MACF1: variants seen among roughly 807,000 people sequenced by gnomAD.
The protein encoded by MACF1 is microtubule actin crosslinking factor 1, also known as microtubule-actin cross-linking factor 1.
In MACF1, 193 loss-of-function variants were observed where a neutral mutation model predicts 854.8. The ratio of observed to expected loss-of-function variants is 0.23; its 90% CI spans 0.20 to 0.25. The LOEUF is 0.25. Ranked by LOEUF, MACF1 falls within the 10% of genes least tolerant of loss-of-function variation. The probability of loss-of-function intolerance (pLI) is 1.00; values close to 1 mark genes in which losing one functional copy is unlikely to be tolerated. For missense variants in MACF1, 7,722 were observed against 8,929.1 expected (o/e 0.86, Z 5.45); for synonymous variants, 3,185 against 3,226.7 (o/e 0.99, Z 0.44).
intron 58 of MACF1, among the ~76,000 whole-genome samples, chr1:39,421,846 G>C (rs566079114): frequency 2.6e-5 from 4 of 152,288 alleles, no homozygotes; most frequent in African/African-American, 7.2e-5. Flanking sequence ...AGGCCGAGGA[G>C]GGCGGATCAC....
At position 39,105,217 on chromosome 1, in the gene MACF1, C is replaced by T. The variant is rs905309742; in HGVS notation, c.220+20779C>T. Among the ~76,000 whole-genome samples, 3 of 150,984 alleles carry T rather than the reference C, an allele frequency of 2.0e-5. No homozygotes were observed. The highest frequency in any genetic ancestry group is 2.0e-4 in the Admixed American group (3 of 15,178). ...CCCTGGGGGACCCGTGTGGGCAGCC[C>T]GGGCCCAGCCGGCCGCAGCCTGGGG... On this transcript the variant is annotated intron_variant, in intron 2 of 93. Coordinates refer to the MACF1 transcript ENST00000361689. The surrounding 1 kb of genome is among the most constrained non-coding windows in gnomAD (Gnocchi z 5.9).
Position 39,441,205 on chromosome 1 carries a change from T to C in MACF1, c.18571-19T>C, listed in dbSNP as rs1644109466. ...GAGTGGTATTGATTGAAGAATCTGA[T>C]TGAATGTTTTTCCCCTAGATGAATA... is the stretch of plus-strand genomic sequence containing the variant. On this transcript the variant is annotated intron_variant, in intron 73 of 100. Coordinates refer to ENST00000564288, the MANE Select transcript of MACF1 (RefSeq NM_001394062.1). 14 of 1,613,678 alleles carry C rather than the reference T, an allele frequency of 8.7e-6. No individual in the cohort carries two copies. Among genetic ancestry groups the C allele is most frequent in the Non-Finnish European group, 1.2e-5 (14 of 1,179,778 alleles).
In MACF1 at chr1:39,486,068, AT is replaced by A. The variant is rs973158019; in HGVS notation, c.*276del. ...TGAAAAGGTCAAGATACAAATGTGT[AT>A]TAAAAAAAAAAAAGCCTATTAATAG... On this transcript the variant is annotated 3_prime_UTR_variant, in exon 101 of 101. Transcript: ENST00000564288. 5 of 276,652 alleles carry A rather than the reference AT, an allele frequency of 1.8e-5. No individual in the cohort carries two copies. The highest frequency in any genetic ancestry group is 2.6e-5 in the Non-Finnish European group (4 of 151,292). The allele number at this position is 276,652 out of a possible 1,614,324, so 17.1% of individuals were successfully genotyped here.
chr1:39,294,718 G>A (rs537318934), intron 18 of MACF1, among the ~76,000 whole-genome samples: 1 of 152,304 alleles, frequency 6.6e-6, no homozygotes, highest in Admixed American at 6.5e-5. Flanking sequence ...CCATGTCCTG[G>A]TGTGTCATGT....
At chr1:39,206,206 T>C (rs893940333) in intron 1 of MACF1, among the ~76,000 whole-genome samples, 9 of 152,252 alleles carry the variant, frequency 5.9e-5, no homozygotes, top group Non-Finnish European at 1.0e-4. Flanking sequence ...CAGATCCTAG[T>C]GTGCATCTAT....
intron 78 of MACF1, 90 bp downstream of exon 78, chr1:39,443,001 A>G (rs1644150258): frequency 1.5e-6 from 2 of 1,297,648 alleles, no homozygotes; most frequent in Admixed American, 2.0e-5. Flanking sequence ...TTTGAAAAGC[A>G]AAGAATCCCT....
rs1472149431 is a variant in MACF1, at chr1:39,336,253, G to A, written c.9665G>A (p.Cys3222Tyr). ...HQGSKSDDKL[C>Y]GTLKSEIATQ... is the part of the protein sequence containing the mutation. ...GGCAGCAAAAGTGATGATAAACTTT[G>A]TGGAACTCTCAAATCTGAAATAGCA... Residue 3222 changes from cysteine (C) to tyrosine (Y), a missense_variant, in exon 37 of 101, where the codon TGT becomes TAT. By Grantham distance (194) the Cys-to-Tyr change is radical. Coordinates refer to ENST00000564288, the MANE Select transcript of MACF1 (RefSeq NM_001394062.1). 6.2e-7 allele frequency: 1 copy of A among 1,613,978 alleles called. No homozygotes were observed. Among genetic ancestry groups the A allele is most frequent in the African/African-American group, 1.3e-5 (1 of 74,888 alleles).
At chr1:39,382,617 T>C (rs1650331340) in intron 56 of MACF1, among the ~76,000 whole-genome samples, 1 of 150,372 alleles carries the variant, frequency 6.7e-6, no homozygotes, top group Non-Finnish European at 1.5e-5. Context: ...GGCAGGAGAA[T>C]CATTTGAACC....
At position 39,204,866 on chromosome 1, in the gene MACF1, A is replaced by T. The variant is rs747647346; in HGVS notation, c.-157A>T. ...CTGCTGAAAAACAGTCAGAAGTGAG[A>T]TGGAGGAGAAGCTGCCAGGAAGTTT... On this transcript the variant is annotated 5_prime_UTR_variant, in exon 1 of 101. An upstream start codon of the reference 5' UTR is lost. Coordinates refer to ENST00000564288, the MANE Select transcript of MACF1 (RefSeq NM_001394062.1). 14 of 607,788 alleles carry T rather than the reference A, an allele frequency of 2.3e-5. No homozygotes were observed. The highest frequency in any genetic ancestry group is 1.8e-4 in the South Asian group (9 of 51,088). The allele number at this position is 607,788 out of a possible 1,614,324, so 37.6% of individuals were successfully genotyped here.
intron 2 of MACF1, among the ~76,000 whole-genome samples, chr1:39,121,801 A>C (rs1642722741): frequency 6.6e-6 from 1 of 152,194 alleles, no homozygotes; most frequent in Admixed American, 6.5e-5. Flanking sequence ...TAACCTTACT[A>C]GATTTTACAG....
chr1:39,287,299 C>A lies in MACF1; in HGVS notation c.1522C>A (p.Gln508Lys). Residue 508 changes from glutamine (Q) to lysine (K), a missense_variant, in exon 15 of 101, where the codon CAG becomes AAG. Coordinates refer to ENST00000564288, the MANE Select transcript of MACF1 (RefSeq NM_001394062.1). ...CTTCCATTTCAGGGTCATGCGTCTTCAGGATGAGCTGGTCACCTTGCGTCT... is the reference window on the plus strand; with the variant it reads ...CTTCCATTTCAGGGTCATGCGTCTTAAGGATGAGCTGGTCACCTTGCGTCT... Reference protein sequence around the residue: ...EELAFRVMRLQDELVTLRLEC... With the variant: ...EELAFRVMRLKDELVTLRLEC... 6.2e-7 allele frequency: 1 copy of A among 1,614,010 alleles called. No homozygotes were observed. The highest frequency in any genetic ancestry group is 1.6e-4 in the Middle Eastern group (1 of 6,062).
Position 39,357,653 on chromosome 1 carries a change from G to A in MACF1, c.11703G>A (p.Glu3901=). The part of the protein sequence containing the change: ...SWLERSEKEL[E]NMHKGGSSPE... ...TGGAACGATCCGAGAAAGAGCTGGA[G>A]AACATGCATAAGGGAGGCAGCAGCC... The change falls in exon 45 of 101, where the codon GAG becomes GAA. Residue 3901 remains glutamate, a synonymous_variant. Transcript: ENST00000564288. The A allele has an allele frequency of 6.2e-7, 1 of 1,614,170 alleles. No individual in the cohort carries two copies. The highest frequency in any genetic ancestry group is 8.5e-7 in the Non-Finnish European group (1 of 1,180,034).
intron 2 of MACF1, among the ~76,000 whole-genome samples, chr1:39,106,143 C>T (rs1642230485): frequency 6.6e-6 from 1 of 152,032 alleles, no homozygotes. Context: ...CCCTCCCTCG[C>T]CCCCTTTTGT....
chr1:39,098,939 C>T (rs1642000011), intron 2 of MACF1, among the ~76,000 whole-genome samples: 1 of 152,214 alleles, frequency 6.6e-6, no homozygotes, highest in Non-Finnish European at 1.5e-5. Flanking sequence ...GGAGCTTTGG[C>T]TGGTGCCCAA....
chr1:39,269,778 CAT>C, intron 6 of MACF1: 1 of 1,217,350 alleles, frequency 8.2e-7, no homozygotes, highest in African/African-American at 1.6e-5. Flanking sequence ...GGCCCTCAAA[CAT>C]ATTAAAGCTG....
chr1:39,159,626 C>G (rs1643756612), intron 2 of MACF1, among the ~76,000 whole-genome samples: 1 of 152,222 alleles, frequency 6.6e-6, no homozygotes, highest in Non-Finnish European at 1.5e-5. Context: ...AAATTCTTCA[C>G]TGACCAGACA....
At position 39,312,588 on chromosome 1, in the gene MACF1, G is replaced by T. The variant is rs114509508; in HGVS notation, c.3270+1588G>T. Reference sequence around the variant, plus strand: ...GTCTGTAATCCTAGCACTTTGGGAGGCTGATGTAGGCGGATTGCATGAGAC... The same window carrying T: ...GTCTGTAATCCTAGCACTTTGGGAGTCTGATGTAGGCGGATTGCATGAGAC... On this transcript the variant is annotated intron_variant, in intron 26 of 100. Coordinates refer to ENST00000564288, the MANE Select transcript of MACF1 (RefSeq NM_001394062.1). 1.6e-4 allele frequency among the ~76,000 whole-genome samples: 24 copies of T among 152,232 alleles called. No homozygotes were observed. In the East Asian group the frequency reaches 4.4e-3, roughly 28 times the overall value.
intron 2 of MACF1, among the ~76,000 whole-genome samples, chr1:39,085,521 A>G (rs748658003): frequency 6.6e-4 from 100 of 152,172 alleles, no homozygotes; most frequent in Non-Finnish European, 1.1e-3. Context: ...GGACCTTCCA[A>G]TGAGCATTTA....
chr1:39,241,246 ACTTT>A (rs1644919454), intron 2 of MACF1, among the ~76,000 whole-genome samples: 1 of 152,098 alleles, frequency 6.6e-6, no homozygotes, highest in Non-Finnish European at 1.5e-5. Context: ...TCTCTTTAAA[ACTTT>A]CTCCTCTGCC....
Sources: allele counts gnomAD v4.1 joint callset (sites outside exome capture counted in the v4.1 genomes callset), GRCh38; gene constraint gnomAD v4.1.1; non-coding constraint Gnocchi (gnomAD v3.1); transcripts MANE v1.5; gene names NCBI Gene and HGNC (gene_info 2026-07-23, HGNC 2026-07-21).